LRP1B: variants seen among roughly 807,000 people sequenced by gnomAD.
LRP1B encodes the protein LDL receptor related protein 1B.
In LRP1B, 217 loss-of-function variants were observed where a neutral mutation model predicts 556.6. The ratio of observed to expected loss-of-function variants is 0.39; its 90% CI spans 0.35 to 0.44. The LOEUF is 0.44. LRP1B is among the 20% of genes least tolerant of loss of function. The pLI is 1.00. For synonymous variants in LRP1B, 2,047 were observed against 1,865.8 expected (o/e 1.10, Z -2.50); for missense variants, 5,053 against 5,620.8 (o/e 0.90, Z 3.23).
chr2:141,291,475 C>A (rs553814303), intron 3 of LRP1B, among the ~76,000 whole-genome samples: 103 of 152,018 alleles, frequency 6.8e-4, no homozygotes, highest in African/African-American at 2.3e-3. Flanking sequence ...TATGTGAAAA[C>A]CACAGTCACA....
intron 9 of LRP1B, among the ~76,000 whole-genome samples, chr2:141,057,159 G>T (rs565305274): frequency 6.6e-6 from 1 of 151,624 alleles, no homozygotes; most frequent in African/African-American, 2.4e-5. Context: ...TAGCCATATT[G>T]GTTCTTTAAA....
intron 71 of LRP1B, among the ~76,000 whole-genome samples, chr2:140,370,223 C>T (rs17722942): frequency 2.8e-4 from 43 of 151,936 alleles, no homozygotes; most frequent in Middle Eastern, 3.4e-3. Flanking sequence ...CTCAGTGATA[C>T]GGCAATAAGG....
At chr2:141,066,448 TAC>T (rs1434907883) in intron 7 of LRP1B, among the ~76,000 whole-genome samples, 2 of 152,026 alleles carry the variant, frequency 1.3e-5, no homozygotes, top group Non-Finnish European at 2.9e-5. Context: ...GCACTGTGCT[TAC>T]AGAGTTATGG....
intron 2 of LRP1B, among the ~76,000 whole-genome samples, chr2:141,678,525 A>G (rs545863071): frequency 6.6e-6 from 1 of 152,290 alleles, no homozygotes; most frequent in South Asian, 2.1e-4. Flanking sequence ...AAAATCAATG[A>G]TGACCTAACA....
chr2:140,643,327 C>A (rs1269709423), intron 41 of LRP1B, among the ~76,000 whole-genome samples: 3 of 151,982 alleles, frequency 2.0e-5, no homozygotes, highest in African/African-American at 7.3e-5. Context: ...TTTCTGTCTA[C>A]ACTTCATTGT....
chr2:140,943,999 A>G (rs1053380979), intron 20 of LRP1B, among the ~76,000 whole-genome samples: 5 of 152,088 alleles, frequency 3.3e-5, no homozygotes, highest in Non-Finnish European at 7.4e-5. Flanking sequence ...GTTCCTTGAA[A>G]GAATAAACAA....
At chr2:141,406,165 G>A (rs1376217146) in intron 3 of LRP1B, among the ~76,000 whole-genome samples, 2 of 151,962 alleles carry the variant, frequency 1.3e-5, no homozygotes, top group African/African-American at 4.8e-5. Flanking sequence ...GAGACACAAA[G>A]CTTTTATTCC....
At chr2:141,115,643 G>T (rs1700876560) in intron 7 of LRP1B, among the ~76,000 whole-genome samples, 1 of 117,804 alleles carries the variant, frequency 8.5e-6, no homozygotes, top group African/African-American at 2.8e-5. Flanking sequence ...GTGTGTGTGT[G>T]TGTGTGTGTG....
At chr2:141,675,823 A>T (rs1690854445) in intron 2 of LRP1B, among the ~76,000 whole-genome samples, 1 of 151,894 alleles carries the variant, frequency 6.6e-6, no homozygotes, top group South Asian at 2.1e-4. Flanking sequence ...ATATTCTGAG[A>T]TTCCATTTGT....
chr2:141,650,844 A>G (rs894027980), intron 2 of LRP1B, among the ~76,000 whole-genome samples: 6 of 152,186 alleles, frequency 3.9e-5, no homozygotes, highest in African/African-American at 9.7e-5. Flanking sequence ...AATTTATCTT[A>G]AATATCTCTC....
chr2:140,772,916 G>A (rs1209363564), intron 33 of LRP1B, among the ~76,000 whole-genome samples: 1 of 151,884 alleles, frequency 6.6e-6, no homozygotes, highest in East Asian at 1.9e-4. Flanking sequence ...AGACAAGCCT[G>A]TCTCAAAACC....
intron 20 of LRP1B, among the ~76,000 whole-genome samples, chr2:140,924,705 A>C (rs1041381483): frequency 3.9e-5 from 6 of 152,138 alleles, no homozygotes; most frequent in Admixed American, 2.0e-4. Flanking sequence ...AATCCCCTCC[A>C]AAATCAAAAA....
intron 1 of LRP1B, among the ~76,000 whole-genome samples, chr2:142,127,076 G>A (rs1707679925): frequency 6.6e-6 from 1 of 151,738 alleles, no homozygotes; most frequent in Non-Finnish European, 1.5e-5. Context: ...CCCTTTCTAA[G>A]AAAATTTCCT....
intron 20 of LRP1B, among the ~76,000 whole-genome samples, chr2:140,931,083 T>C (rs1341061970): frequency 6.6e-6 from 1 of 152,130 alleles, no homozygotes; most frequent in Non-Finnish European, 1.5e-5. Context: ...TGTGTTGGGA[T>C]TGGTGATTGT....
intron 2 of LRP1B, among the ~76,000 whole-genome samples, chr2:141,563,243 G>C (rs1686224919): frequency 6.6e-6 from 1 of 152,018 alleles, no homozygotes; most frequent in African/African-American, 2.4e-5. Context: ...CATCCAGATG[G>C]AGATGTTCAA....
At chr2:140,718,005 A>AT (rs1176566031) in intron 35 of LRP1B, among the ~76,000 whole-genome samples, 3 of 152,098 alleles carry the variant, frequency 2.0e-5, no homozygotes, top group East Asian at 1.9e-4. Context: ...ATCAATTCAC[A>AT]TTTTTTCATT....
rs527614012 is a variant in LRP1B, at chr2:142,008,782, A to G, written c.82+121866T>C. On this transcript the variant is annotated intron_variant, in intron 1 of 90. Transcript: ENST00000389484. ...TTACCTGAATCTTAATTTTTACTCA[A>G]TAGACCCCTGCCTTACATGTTATAT... 1.7e-4 allele frequency among the ~76,000 whole-genome samples: 26 copies of G among 152,120 alleles called. No homozygotes were observed. The East Asian group carries it at 2.1e-3, about 12-fold the overall frequency.
chr2:140,424,048 T>A (rs1685558684), intron 66 of LRP1B, among the ~76,000 whole-genome samples: 1 of 152,180 alleles, frequency 6.6e-6, no homozygotes, highest in Non-Finnish European at 1.5e-5. Context: ...AAGGTTGACT[T>A]TGAAGACTCA....
intron 4 of LRP1B, among the ~76,000 whole-genome samples, chr2:141,247,769 C>T (rs1684120506): frequency 6.6e-6 from 1 of 152,134 alleles, no homozygotes; most frequent in East Asian, 1.9e-4. Flanking sequence ...CTGAGCCACA[C>T]TATGCAAATC....
Sources: allele counts gnomAD v4.1 joint callset (sites outside exome capture counted in the v4.1 genomes callset), GRCh38; gene constraint gnomAD v4.1.1; transcripts MANE v1.5; gene names NCBI Gene and HGNC (gene_info 2026-07-23, HGNC 2026-07-21).